CFAP43: variants seen among roughly 807,000 people sequenced by gnomAD.
CFAP43 encodes cilia and flagella associated protein 43, also known as cilia- and flagella-associated protein 43.
In CFAP43, 155 loss-of-function variants were observed where a neutral mutation model predicts 218.9. The ratio of observed to expected loss-of-function variants is 0.71; its 90% CI spans 0.62 to 0.81. The LOEUF (loss-of-function observed/expected upper bound fraction) is 0.81. Ranked by LOEUF, CFAP43 falls within the 30% of genes least tolerant of loss-of-function variation. The pLI is 0.00. For synonymous variants in CFAP43, 645 were observed against 681.3 expected (o/e 0.95, Z 0.83); for missense variants, 1,778 against 1,954.3 (o/e 0.91, Z 1.70).
intron 20 of CFAP43, among the ~76,000 whole-genome samples, chr10:104,169,502 C>T (rs1019746111): frequency 3.3e-5 from 5 of 151,910 alleles, no homozygotes; most frequent in African/African-American, 9.7e-5. Context: ...AATCCTATTG[C>T]TTATTATTTA....
At chr10:104,169,980 T>A (rs532084105) in intron 20 of CFAP43, among the ~76,000 whole-genome samples, 1 of 152,232 alleles carries the variant, frequency 6.6e-6, no homozygotes, top group East Asian at 1.9e-4. Context: ...TTCCTATCAT[T>A]GGGATCCTGG....
rs748319288 is a variant in CFAP43 at position 104,207,782 on chromosome 10, A to G, written c.778T>C (p.Cys260Arg). 6.2e-7 allele frequency: 1 copy of G among 1,614,128 alleles called. No homozygotes were observed. ...LYPLLHPTMH[C>R]WTPTSDLYIG... The stretch of plus-strand genomic sequence containing the variant: ...TACAAGTCACTTGTTGGAGTCCAGC[A>G]ATGCATAGTCGGGTGAAGCAAAGGA... Residue 260 changes from cysteine (C) to arginine (R), a missense_variant, in exon 6 of 38, where the codon TGC becomes CGC. By Grantham distance (180) the Cys-to-Arg change is radical. Transcript: ENST00000357060.
At chr10:104,201,012 T>A (rs893966257) in intron 8 of CFAP43, among the ~76,000 whole-genome samples, 1 of 152,236 alleles carries the variant, frequency 6.6e-6, no homozygotes, top group Non-Finnish European at 1.5e-5. Context: ...TCACCTTGGC[T>A]GCTATGTTGA....
At chr10:104,145,804 C>A (rs1175682307) in intron 30 of CFAP43, among the ~76,000 whole-genome samples, 1 of 152,126 alleles carries the variant, frequency 6.6e-6, no homozygotes, top group African/African-American at 2.4e-5. Context: ...TAGAAATCAT[C>A]CAGAAGTTTC....
chr10:104,232,009 A>G (rs922143166), intron 1 of CFAP43, among the ~76,000 whole-genome samples, 173 bp downstream of exon 1: 14 of 135,652 alleles, frequency 1.0e-4, no homozygotes, highest in African/African-American at 3.7e-4. Flanking sequence ...GGGAGCGGAC[A>G]GGGGAGGTCA....
chr10:104,148,410 C>A (rs1248182651), intron 28 of CFAP43, among the ~76,000 whole-genome samples: 8 of 152,082 alleles, frequency 5.3e-5, no homozygotes. Context: ...AGTTTTATTA[C>A]CCAGGGGTGT....
intron 8 of CFAP43, among the ~76,000 whole-genome samples, chr10:104,201,516 T>C (rs1300762724): frequency 6.6e-6 from 1 of 152,160 alleles, no homozygotes; most frequent in Non-Finnish European, 1.5e-5. Flanking sequence ...GTAACATGTG[T>C]ACCTAATTTA....
intron 2 of CFAP43, among the ~76,000 whole-genome samples, chr10:104,229,142 A>C (rs1276295786): frequency 3.3e-5 from 5 of 152,206 alleles, no homozygotes; most frequent in African/African-American, 1.2e-4. Flanking sequence ...AAATTGTCTT[A>C]AACTGTTGAG....
chr10:104,225,249 CAAT>C (rs2091279444), intron 3 of CFAP43, among the ~76,000 whole-genome samples: 2 of 152,270 alleles, frequency 1.3e-5, no homozygotes, highest in South Asian at 4.1e-4. Flanking sequence ...AAGAGAATGA[CAAT>C]AACTAATTTA....
intron 17 of CFAP43, 86 bp downstream of exon 17, chr10:104,182,280 C>T: frequency 1.5e-6 from 2 of 1,357,898 alleles, no homozygotes; most frequent in Non-Finnish European, 2.0e-6. Context: ...TACTAAATAT[C>T]TGCTTAAAGA....
chr10:104,150,528 T>C (rs1160313145), intron 28 of CFAP43, among the ~76,000 whole-genome samples: 2 of 152,174 alleles, frequency 1.3e-5, no homozygotes, highest in Non-Finnish European at 2.9e-5. Context: ...CTGAGGGAAT[T>C]TAAATGTAAC....
chr10:104,222,190 T>G (rs2091199743), intron 3 of CFAP43, among the ~76,000 whole-genome samples: 1 of 152,148 alleles, frequency 6.6e-6, no homozygotes, highest in Admixed American at 6.5e-5. Flanking sequence ...TTTTGAACTT[T>G]TACTAAATTA....
Position 104,207,673 on chromosome 10 carries a change from G to A in CFAP43, c.887C>T (p.Ser296Leu), listed in dbSNP as rs118083279. 9.0e-4 allele frequency: 1,450 copies of A among 1,612,632 alleles called. 14 individuals carry two copies. The East Asian group carries it at 0.027, about 31-fold the overall frequency. ...VTVLNKIEEE[S>L]PLDRRNFISP... ...GTAGGACAGTTTCTTACCCAATGGC[G>A]ATTCCTCTTCTATCTTATTAAGTAC... is the stretch of plus-strand genomic sequence containing the variant. The change falls in exon 6 of 38, where the codon TCG (serine) becomes TTG (leucine). Residue 296 changes from serine (S) to leucine (L), a missense_variant. Physicochemically the swap from Ser to Leu is moderately radical, Grantham distance 145. Coordinates refer to ENST00000357060, the MANE Select transcript of CFAP43 (RefSeq NM_025145.7).
chr10:104,180,697 G>A (rs989641883), intron 17 of CFAP43, among the ~76,000 whole-genome samples: 9 of 152,056 alleles, frequency 5.9e-5, no homozygotes, highest in East Asian at 1.9e-4. Context: ...TGCCCACCTC[G>A]GCCTCCCAAA....
In CFAP43 at chr10:104,146,335, T is replaced by G; in HGVS notation, c.3783A>C (p.Glu1261Asp). ...RKQHEKSQTS[E>D]AVRKSREDLD... ...GGTCTTCTCTAGATTTCCGAACAGC[T>G]TCTGAAGTCTGGCTCTATAACAGCA... Residue 1261 changes from glutamate (E) to aspartate (D), a missense_variant, in exon 30 of 38, where the codon GAA becomes GAC. This residue lies in a region of CFAP43 where 1,553 missense variants were observed against 1,685.2 expected (regional missense o/e 0.92). Transcript: ENST00000357060. The G allele has an allele frequency of 1.9e-6, 3 of 1,613,672 alleles. No individual in the cohort carries two copies. Among genetic ancestry groups the G allele is most frequent in the Non-Finnish European group, 2.5e-6 (3 of 1,179,672 alleles).
At chr10:104,216,936 CCTA>C (rs2091027906) in intron 3 of CFAP43, among the ~76,000 whole-genome samples, 2 of 152,206 alleles carry the variant, frequency 1.3e-5, no homozygotes, top group African/African-American at 4.8e-5. Flanking sequence ...CATAGCTACT[CCTA>C]TGAGTCTCCT....
intron 19 of CFAP43, among the ~76,000 whole-genome samples, chr10:104,173,908 T>C (rs373212263): frequency 1.4e-4 from 22 of 152,178 alleles, no homozygotes; most frequent in African/African-American, 5.3e-4. Context: ...ATTCAACAAA[T>C]AGAAGACTTG....
chr10:104,164,087 C>T lies in CFAP43; in HGVS notation c.3246+7G>A. ...AGAAGGGAAAGGAGAACACAGCTAGCCAGTACCTCCTCATCTTGCACAACA... is the reference window on the plus strand; with the variant it reads ...AGAAGGGAAAGGAGAACACAGCTAGTCAGTACCTCCTCATCTTGCACAACA... On this transcript the variant is annotated splice_region_variant and intron_variant, in intron 24 of 37. Coordinates refer to ENST00000357060, the MANE Select transcript of CFAP43 (RefSeq NM_025145.7). 1 of 1,613,986 alleles carries T rather than the reference C, an allele frequency of 6.2e-7. No homozygotes were observed. The highest frequency in any genetic ancestry group is 8.5e-7 in the Non-Finnish European group (1 of 1,179,918).
chr10:104,226,654 A>C (rs1258926764), intron 2 of CFAP43, among the ~76,000 whole-genome samples: 2 of 152,144 alleles, frequency 1.3e-5, no homozygotes, highest in African/African-American at 2.4e-5. Flanking sequence ...TGTTTACTTG[A>C]AAAAATACAT....
Sources: allele counts gnomAD v4.1 joint callset (sites outside exome capture counted in the v4.1 genomes callset), GRCh38; gene constraint gnomAD v4.1.1; regional missense constraint gnomAD v4.1.1; transcripts MANE v1.5; gene names NCBI Gene and HGNC (gene_info 2026-07-23, HGNC 2026-07-21).